RASIP1: variants seen among roughly 807,000 people sequenced by gnomAD.
RASIP1 encodes the protein Ras interacting protein 1, also known as ras-interacting protein 1.
A neutral mutation model predicts 85.3 loss-of-function variants in RASIP1; 20 were observed. That is an observed-to-expected ratio of 0.23 (90% CI 0.17 to 0.34). RASIP1 has a LOEUF of 0.34. Among genes scored for constraint, RASIP1 ranks in the 10% least tolerant of loss-of-function variants. The pLI is 1.00. For missense variants in RASIP1, 1,170 were observed against 1,390.9 expected, an observed-to-expected ratio of 0.84 and a Z score of 2.53; for synonymous variants, 617 against 647.1, an observed-to-expected ratio of 0.95 and a Z score of 0.71.
chr19:48,727,569 C>T, intron 5 of RASIP1, 139 bp from the exon 6 acceptor site: 1 of 876,496 alleles, frequency 1.1e-6, no homozygotes, highest in Non-Finnish European at 1.8e-6. Context: ...TACTATGTTG[C>T]CACCGGTGGT....
Position 48,735,782 on chromosome 19 carries a change from C to G in RASIP1, c.824-231G>C, listed in dbSNP as rs148782535. On this transcript the variant is annotated intron_variant, in intron 3 of 11. Transcript: ENST00000222145. ...TTTCATTCATTCTTTTCCATTGAAT[C>G]ATTTGTTCTTCTTTTTTTTTTTTTT... Among the ~76,000 whole-genome samples, 1,241 of 151,686 alleles carry G rather than the reference C, an allele frequency of 8.2e-3. 21 individuals are homozygous for G. The highest frequency in any genetic ancestry group is 0.028 in the African/African-American group (1,172 of 41,430).
intron 4 of RASIP1, among the ~76,000 whole-genome samples, chr19:48,733,261 G>C (rs2033496105): frequency 6.6e-6 from 1 of 152,204 alleles, no homozygotes; most frequent in Admixed American, 6.5e-5. Flanking sequence ...CTGGTCTCAA[G>C]TGTTACTCCT....
In RASIP1 at chr19:48,721,006, C is replaced by G. The variant is rs914460028; in HGVS notation, c.2693-9G>C. 2 of 1,581,092 alleles carry G rather than the reference C, an allele frequency of 1.3e-6. No homozygotes were observed. Among genetic ancestry groups the G allele is most frequent in the Admixed American group, 3.6e-5 (2 of 55,398 alleles). Reference sequence around the variant, plus strand: ...GCTTTCGAAGATGTCCCCTGTGAGGCCGAAGGCGGCGCGGTTAGAGTCTGA... The same window carrying G: ...GCTTTCGAAGATGTCCCCTGTGAGGGCGAAGGCGGCGCGGTTAGAGTCTGA... On this transcript the variant is annotated splice_polypyrimidine_tract_variant and intron_variant, in intron 11 of 11. Transcript: ENST00000222145.
chr19:48,727,130 G>A lies in RASIP1; in HGVS notation c.1900C>T (p.Leu634=). The A allele has an allele frequency of 6.2e-7, 1 of 1,614,100 alleles. No homozygotes were observed. Among genetic ancestry groups the A allele is most frequent in the Non-Finnish European group, 8.5e-7 (1 of 1,180,038 alleles). ...TCCACAGACACAGCTTCAGGAGTCA[G>A]GGGCACCTCGGGGACCCCCTCAGGG... ...NHPEGVPEVP[L]TPEAVSVELR... is the part of the protein sequence containing the mutation. The change falls in exon 7 of 12, where the codon CTG becomes TTG. Residue 634 remains leucine, a synonymous_variant. Coordinates refer to ENST00000222145, the MANE Select transcript of RASIP1 (RefSeq NM_017805.3).
intron 3 of RASIP1, 139 bp from the exon 4 acceptor site, chr19:48,735,690 T>G (rs2033557129): frequency 4.8e-6 from 4 of 828,554 alleles, no homozygotes; most frequent in Non-Finnish European, 7.3e-6. Context: ...TTGCATATTC[T>G]GTTCCCTGTG....
At chr19:48,729,699 C>T in intron 4 of RASIP1, 109 bp from the exon 5 acceptor site, 2 of 732,314 alleles carry the variant, frequency 2.7e-6, no homozygotes, top group Non-Finnish European at 4.3e-6. Context: ...CTTTTTTTTT[C>T]CTTCTTCTTC....
At chr19:48,733,534 G>A (rs1050471801) in intron 4 of RASIP1, among the ~76,000 whole-genome samples, 6 of 152,100 alleles carry the variant, frequency 3.9e-5, no homozygotes, top group African/African-American at 7.2e-5. Flanking sequence ...GGCCGGGAGC[G>A]GTGGCTCACG....
At position 48,729,173 on chromosome 19, in the gene RASIP1, C is replaced by A; in HGVS notation, c.1597G>T (p.Ala533Ser). Reference sequence around the variant, plus strand: ...CGGCCGTCCAGGTAGGCGGCCAGTGCCTCGCCGCGCTCCTGCAGGCCGCGG... The same window carrying A: ...CGGCCGTCCAGGTAGGCGGCCAGTGACTCGCCGCGCTCCTGCAGGCCGCGG... ...CGRGLQERGE[A>S]LAAYLDGREP... is the part of the protein sequence containing the mutation. The change falls in exon 5 of 12, where the codon GCA becomes TCA. Residue 533 changes from alanine (A) to serine (S), a missense_variant. Transcript: ENST00000222145. 7.8e-7 allele frequency: 1 copy of A among 1,286,776 alleles called. No individual in the cohort carries two copies. The highest frequency in any genetic ancestry group is 9.9e-7 in the Non-Finnish European group (1 of 1,015,062). The allele number at this position is 1,286,776 out of a possible 1,614,324, so 79.7% of individuals were successfully genotyped here.
At chr19:48,721,085 A>T in intron 11 of RASIP1, 88 bp from the exon 12 acceptor site, 6 of 1,202,230 alleles carry the variant, frequency 5.0e-6, no homozygotes, top group Non-Finnish European at 6.8e-6. Context: ...TCACACCCAA[A>T]GGAAGAAAAA....
chr19:48,720,879 G>C lies in RASIP1; in HGVS notation c.2811C>G (p.Leu937=). 6.2e-7 allele frequency: 1 copy of C among 1,614,020 alleles called. No individual in the cohort carries two copies. The highest frequency in any genetic ancestry group is 1.6e-4 in the Middle Eastern group (1 of 6,062). The change falls in exon 12 of 12, where the codon CTC becomes CTG. Residue 937 remains leucine, a synonymous_variant. Coordinates refer to ENST00000222145, the MANE Select transcript of RASIP1 (RefSeq NM_017805.3). ...DDALHRELRR[L]RRLLWDLEQQ... Reference sequence around the variant, plus strand: ...GCTCAAGATCCCAGAGGAGGCGGCGGAGCCTACGGAGTTCACGGTGCAAGG... The same window carrying C: ...GCTCAAGATCCCAGAGGAGGCGGCGCAGCCTACGGAGTTCACGGTGCAAGG...
rs1282140861 is a variant in RASIP1 at position 48,738,792 on chromosome 19, A to G, written c.823+168T>C. ...ATCTGGCCGCCCCCGGCCCTGCTCT[A>G]GCTCTGCCTAGAGTCCAACACGCAC... On this transcript the variant is annotated intron_variant, in intron 3 of 11. Coordinates refer to ENST00000222145, the MANE Select transcript of RASIP1 (RefSeq NM_017805.3). The surrounding 1 kb of genome is among the most constrained non-coding windows in gnomAD (Gnocchi z 4.0). 2.4e-5 allele frequency: 21 copies of G among 880,936 alleles called. No individual in the cohort carries two copies. The highest frequency in any genetic ancestry group is 2.6e-5 in the Non-Finnish European group (18 of 684,462). The allele number at this position is 880,936 out of a possible 1,614,324, so 54.6% of individuals were successfully genotyped here.
At chr19:48,737,849 T>C in intron 3 of RASIP1, 1 of 973,804 alleles carries the variant, frequency 1.0e-6, no homozygotes, top group Non-Finnish European at 1.2e-6. Context: ...GCCCATCTGC[T>C]CTGCATCGCT....
At chr19:48,736,546 A>G (rs2033576337) in intron 3 of RASIP1, among the ~76,000 whole-genome samples, 1 of 152,200 alleles carries the variant, frequency 6.6e-6, no homozygotes, top group African/African-American at 2.4e-5. Context: ...TGACAGTCCA[A>G]GTTGAAGCAG....
chr19:48,732,120 G>A (rs1270351538), intron 4 of RASIP1, among the ~76,000 whole-genome samples: 1 of 150,108 alleles, frequency 6.7e-6, no homozygotes, highest in Non-Finnish European at 1.5e-5. Context: ...AGACTGGAGT[G>A]CAGTGGCATT....
intron 3 of RASIP1, 111 bp from the exon 4 acceptor site, chr19:48,735,662 C>T (rs2033556870): frequency 9.2e-7 from 1 of 1,088,096 alleles, no homozygotes. Flanking sequence ...CTGCTTCCCA[C>T]ATTTAGGATT....
chr19:48,726,856 C>T lies in RASIP1; in HGVS notation c.2056G>A (p.Asp686Asn). Reference protein sequence around the residue: ...PQLCNDLELCDEAMALLDEVI... With the variant: ...PQLCNDLELCNEAMALLDEVI... ...TCATCCAGGAGGGCCATGGCCTCAT[C>T]ACATAATTCCAAGTCATTGCAGAGC... The change falls in exon 8 of 12, where the codon GAT becomes AAT. Residue 686 changes from aspartate to asparagine, a missense_variant. Asp to Asn is a conservative substitution (Grantham distance 23). This residue lies in a region of RASIP1 where 426 missense variants were observed against 576.2 expected (regional missense o/e 0.74). Transcript: ENST00000222145. The T allele has an allele frequency of 1.2e-6, 2 of 1,614,046 alleles. No individual in the cohort carries two copies. The highest frequency in any genetic ancestry group is 1.7e-6 in the Non-Finnish European group (2 of 1,179,958).
intron 11 of RASIP1, 44 bp downstream of exon 11, chr19:48,721,804 AAAGAAG>A (rs372702100): frequency 3.7e-5 from 58 of 1,548,330 alleles, no homozygotes; most frequent in Non-Finnish European, 4.7e-5. Context: ...CTCCGTCTCA[AAAGAAG>A]AAGAAAGCTG....
chr19:48,740,183 T>C lies in RASIP1; in HGVS notation c.100A>G (p.Lys34Glu). The stretch of plus-strand genomic sequence containing the variant: ...GCGCTGGGCCAGCGCCGCCCCAGCT[T>C]CGCCAGCTGCTTCCTGGGGGAATTG... ...WINSPRKQLAKLGRRWPSAAS... is the reference protein window; with the variant it reads ...WINSPRKQLAELGRRWPSAAS... Residue 34 changes from lysine (K) to glutamate (E), a missense_variant, in exon 2 of 12, where the codon AAG (lysine) becomes GAG (glutamate). This residue lies in a region of RASIP1 where 299 missense variants were observed against 394.4 expected (regional missense o/e 0.76). Coordinates refer to ENST00000222145, the MANE Select transcript of RASIP1 (RefSeq NM_017805.3). The surrounding 1 kb of genome is among the most constrained non-coding windows in gnomAD (Gnocchi z 5.5). The C allele has an allele frequency of 6.3e-7, 1 of 1,595,214 alleles. No individual in the cohort carries two copies. Among genetic ancestry groups the C allele is most frequent in the Non-Finnish European group, 8.5e-7 (1 of 1,173,706 alleles).
chr19:48,739,225 TG>T lies in RASIP1; in HGVS notation c.557del (p.Ala186GlufsTer184). 6.8e-7 allele frequency: 1 copy of T among 1,480,632 alleles called. No individual in the cohort carries two copies. Among genetic ancestry groups the T allele is most frequent in the Admixed American group, 2.3e-5 (1 of 43,374 alleles). The allele number at this position is 1,480,632 out of a possible 1,614,324, so 91.7% of individuals were successfully genotyped here. On this transcript the variant is annotated frameshift_variant, in exon 3 of 12. Transcript: ENST00000222145. LOFTEE classifies it high-confidence loss of function. This position sits in a 1 kb window ranked among gnomAD's most constrained non-coding sequence, Gnocchi z 9.2. ...CGCCGGGGCCACCGCCGGGGCTGCC[TG>T]CTAGGCCGTAGCGCTCTAGCGCCTC... The part of the protein sequence containing the change: ...VAEALERYGL[A>X]GSPGGGPGES...
Sources: allele counts gnomAD v4.1 joint callset (sites outside exome capture counted in the v4.1 genomes callset), GRCh38; gene constraint gnomAD v4.1.1; regional missense constraint gnomAD v4.1.1; non-coding constraint Gnocchi (gnomAD v3.1); transcripts MANE v1.5; gene names NCBI Gene and HGNC (gene_info 2026-07-23, HGNC 2026-07-21).